Variants in ZNF510 observed in about 807,000 individuals in gnomAD.
The protein encoded by ZNF510 is zinc finger protein 510.
Under a neutral mutation model 18.1 loss-of-function variants are expected in ZNF510, and 15 were observed. The observed-to-expected ratio is 0.83, with a 90% CI of 0.55 to 1.28. The LOEUF (loss-of-function observed/expected upper bound fraction) is 1.28, where lower values mean the gene tolerates loss of function less well. ZNF510 is among the 50% of genes most tolerant of loss of function. ZNF510 has a pLI of 0.00. For missense variants in ZNF510, 724 were observed against 791.8 expected, an observed-to-expected ratio of 0.91 and a Z score of 1.03; for synonymous variants, 261 against 266.4, an observed-to-expected ratio of 0.98 and a Z score of 0.20.
chr9:96,774,986 C>T (rs1345203518), intron 2 of ZNF510, 140 bp from the exon 3 acceptor site: 2 of 634,780 alleles, frequency 3.2e-6, no homozygotes, highest in African/African-American at 3.7e-5. Flanking sequence ...AGCAGCACTA[C>T]AGAGAAAGCA....
intron 3 of ZNF510, among the ~76,000 whole-genome samples, chr9:96,764,604 T>G (rs909552636): frequency 6.6e-6 from 1 of 151,928 alleles, no homozygotes; most frequent in African/African-American, 2.4e-5. Flanking sequence ...CTTGCCTTTA[T>G]AGAAAAAAAT....
chr9:96,764,388 G>A (rs1345585191), intron 3 of ZNF510, among the ~76,000 whole-genome samples: 1 of 152,118 alleles, frequency 6.6e-6, no homozygotes, highest in Admixed American at 6.6e-5. Context: ...CTGGCCTCAA[G>A]TGATCCTCCC....
intron 3 of ZNF510, among the ~76,000 whole-genome samples, chr9:96,764,969 C>G (rs923925494): frequency 6.6e-6 from 1 of 151,432 alleles, no homozygotes; most frequent in African/African-American, 2.4e-5. Flanking sequence ...AAAAATTAGC[C>G]GGGTGTGGTG....
At chr9:96,769,739 T>C (rs1849547919) in intron 3 of ZNF510, among the ~76,000 whole-genome samples, 1 of 152,144 alleles carries the variant, frequency 6.6e-6, no homozygotes, top group Non-Finnish European at 1.5e-5. Context: ...CAACAAAAAA[T>C]GTAATCCAAA....
At position 96,774,802 on chromosome 9, in the gene ZNF510, T is replaced by C. The variant is rs1849654785; in HGVS notation, c.115A>G (p.Met39Val). 1 of 1,613,870 alleles carries C rather than the reference T, an allele frequency of 6.2e-7. No individual in the cohort carries two copies. Among genetic ancestry groups the C allele is most frequent in the Non-Finnish European group, 8.5e-7 (1 of 1,179,984 alleles). Residue 39 changes from methionine (M) to valine (V), a missense_variant, in exon 3 of 6, where the codon ATG becomes GTG. Transcript: ENST00000223428. ...FSTLFQEQQK[M>V]NISQASVSFK... is the part of the protein sequence containing the mutation. ...AATTAACTCACCTGAGATATGTTCA[T>C]TTTCTGCTGCTCCTGAAAGAGTGTG...
intron 3 of ZNF510, among the ~76,000 whole-genome samples, chr9:96,773,335 G>A (rs1467527201): frequency 2.0e-5 from 3 of 152,152 alleles, no homozygotes; most frequent in Non-Finnish European, 4.4e-5. Flanking sequence ...AAAAAAGAGT[G>A]CATACAAGAG....
Position 96,759,737 on chromosome 9 carries a change from C to T in ZNF510, c.1093G>A (p.Val365Ile). The change falls in exon 6 of 6, where the codon GTA becomes ATA. Residue 365 changes from valine to isoleucine, a missense_variant. By Grantham distance (29) the Val-to-Ile change is conservative. Transcript: ENST00000223428. Reference sequence around the variant, plus strand: ...CAAGTCTGTGTTCTGTCATTACTTACCAATGGGTTCTCTTCTATGACAGCT... The same window carrying T: ...CAAGTCTGTGTTCTGTCATTACTTATCAATGGGTTCTCTTCTATGACAGCT... The part of the protein sequence containing the change: ...QTAVIEENPL[V>I]SNDRTQTWVK... 2 of 1,614,010 alleles carry T rather than the reference C, an allele frequency of 1.2e-6. No homozygotes were observed. The highest frequency in any genetic ancestry group is 1.7e-6 in the Non-Finnish European group (2 of 1,179,968).
intron 1 of ZNF510, chr9:96,777,510 T>C (rs1440782257): frequency 6.6e-6 from 1 of 152,184 alleles, no homozygotes; most frequent in Admixed American, 6.5e-5. Flanking sequence ...CTTCCAAATA[T>C]AACGGGAATC....
In ZNF510 at chr9:96,760,018, T is replaced by G; in HGVS notation, c.812A>C (p.Lys271Thr). ...TTCTCCTGTGTGAGAACTGTTATGT[T>G]TAACACAGTTAGCCTTATCATTAAA... ...KAFNDKANCV[K>T]HNSSHTGETS... Residue 271 changes from lysine to threonine, a missense_variant, in exon 6 of 6, where the codon AAA becomes ACA. By Grantham distance (78) the Lys-to-Thr change is moderately conservative. Coordinates refer to ENST00000223428, the MANE Select transcript of ZNF510 (RefSeq NM_014930.3). 6.2e-7 allele frequency: 1 copy of G among 1,612,940 alleles called. No homozygotes were observed. Among genetic ancestry groups the G allele is most frequent in the South Asian group, 1.1e-5 (1 of 91,062 alleles).
chr9:96,775,322 A>G (rs1413146813), intron 2 of ZNF510, among the ~76,000 whole-genome samples: 6 of 152,016 alleles, frequency 3.9e-5, no homozygotes, highest in Admixed American at 2.0e-4. Context: ...GGCCTCCCAA[A>G]ATGCTGGGAT....
At chr9:96,773,158 G>T (rs373573694) in intron 3 of ZNF510, among the ~76,000 whole-genome samples, 1 of 152,090 alleles carries the variant, frequency 6.6e-6, no homozygotes, top group East Asian at 1.9e-4. Context: ...TAACATATGA[G>T]GTCAGAATTG....
chr9:96,756,072 C>T lies in ZNF510; in HGVS notation c.*2706G>A, dbSNP rs1399808331. 6.6e-6 allele frequency: 1 copy of T among 152,110 alleles called. No individual in the cohort carries two copies. The highest frequency in any genetic ancestry group is 1.5e-5 in the Non-Finnish European group (1 of 68,018). The allele number at this position is 152,110 out of a possible 1,614,324, so 9.4% of individuals were successfully genotyped here. On this transcript the variant is annotated 3_prime_UTR_variant, in exon 6 of 6. Transcript: ENST00000223428. ...TCAGAAAATAGTCTCTTATTATGGG[C>T]ATCTACTTGAGCAACCCAGATGGTT...
chr9:96,769,564 T>C (rs1849544375), intron 3 of ZNF510, among the ~76,000 whole-genome samples: 1 of 152,020 alleles, frequency 6.6e-6, no homozygotes, highest in Non-Finnish European at 1.5e-5. Context: ...TTCCTGGATA[T>C]GATACCAAAG....
At position 96,758,891 on chromosome 9, in the gene ZNF510, G is replaced by A. The variant is rs751584867; in HGVS notation, c.1939C>T (p.Gln647Ter). The change falls in exon 6 of 6, where the codon CAA becomes TAA. Residue 647 changes from glutamine (Q) to a stop codon, truncating the protein, a stop_gained. Coordinates refer to ENST00000223428, the MANE Select transcript of ZNF510 (RefSeq NM_014930.3). LOFTEE classifies it low-confidence loss of function (END_TRUNC). ...FGQKSNLRIH[Q>*]RTHSGEKSYE... ...GATTTCTCCCCACTGTGAGTCCTTT[G>A]ATGTATTCTGAGGTTTGATTTCTGG... 5.6e-6 allele frequency: 9 copies of A among 1,613,900 alleles called. No individual in the cohort carries two copies. In the African/African-American group the frequency reaches 8.0e-5, roughly 14 times the overall value.
Position 96,763,129 on chromosome 9 carries a change from T to TG in ZNF510, c.340dup (p.Gln114ProfsTer10), listed in dbSNP as rs745505173. On this transcript the variant is annotated frameshift_variant, in exon 5 of 6. Coordinates refer to ENST00000223428, the MANE Select transcript of ZNF510 (RefSeq NM_014930.3). LOFTEE classifies it low-confidence loss of function (END_TRUNC). ...GCTCAGTAACTCACTTGGGTGACTC[T>TG]GGTTTGAGAATTCCTCCTCTGAGAA... The TG allele has an allele frequency of 4.8e-5, 77 of 1,613,954 alleles. 1 individual carries two copies. Among genetic ancestry groups the TG allele is most frequent in the Non-Finnish European group, 2.6e-5 (31 of 1,179,938 alleles).
At chr9:96,768,469 C>T (rs1334450218) in intron 3 of ZNF510, among the ~76,000 whole-genome samples, 2 of 151,832 alleles carry the variant, frequency 1.3e-5, no homozygotes, top group East Asian at 3.9e-4. Flanking sequence ...CTAAGGAAGC[C>T]ACAAAAAACT....
chr9:96,762,689 TTCATA>T (rs1486573306), intron 5 of ZNF510, among the ~76,000 whole-genome samples: 1 of 152,176 alleles, frequency 6.6e-6, no homozygotes, highest in African/African-American at 2.4e-5. Context: ...CATATCTCAC[TTCATA>T]TATTATTTTG....
At chr9:96,771,042 G>T (rs1311538217) in intron 3 of ZNF510, among the ~76,000 whole-genome samples, 1 of 152,096 alleles carries the variant, frequency 6.6e-6, no homozygotes, top group African/African-American at 2.4e-5. Flanking sequence ...TACCTCACAG[G>T]TATATTTTTC....
At chr9:96,773,537 C>T (rs1665321766) in intron 3 of ZNF510, among the ~76,000 whole-genome samples, 1 of 151,634 alleles carries the variant, frequency 6.6e-6, no homozygotes, top group Non-Finnish European at 1.5e-5. Context: ...GAGCAAGGCC[C>T]TTCCCTCACA....
Sources: gnomAD v4.1 joint callset for allele counts (sites outside exome capture counted in the v4.1 genomes callset) on GRCh38, gnomAD v4.1.1 for gene constraint, MANE v1.5 for transcripts, NCBI Gene and HGNC (gene_info 2026-07-23, HGNC 2026-07-21) for gene names.